Variants in NCAM2 observed in about 807,000 individuals in gnomAD.
NCAM2 encodes the protein neural cell adhesion molecule 2, also known as N-CAM-2.
In NCAM2, 30 loss-of-function variants were observed where a neutral mutation model predicts 98.1. That is an observed-to-expected ratio of 0.31 (90% confidence interval 0.23 to 0.41). The LOEUF (loss-of-function observed/expected upper bound fraction) is 0.41, where lower values mean the gene tolerates loss of function less well. Ranked by LOEUF, NCAM2 falls within the 10% of genes least tolerant of loss-of-function variation. NCAM2 has a pLI of 1.00. For synonymous variants in NCAM2, 368 were observed against 342.4 expected (o/e 1.07, Z -0.83); for missense variants, 867 against 1,005.8 (o/e 0.86, Z 1.87).
In NCAM2 at chr21:21,094,544, CTG is replaced by C. The variant is rs200019316; in HGVS notation, c.55+95928_55+95929del. Among the ~76,000 whole-genome samples, 30 of 151,700 alleles carry C rather than the reference CTG, an allele frequency of 2.0e-4. No individual in the cohort carries two copies. In the East Asian group the frequency reaches 5.0e-3, roughly 26 times the overall value. Reference sequence around the variant, plus strand: ...AACTATGATTTATCTTCTAGATAAACTGTTATTTAGAATTGCATGTGTAATTC... The same window carrying C: ...AACTATGATTTATCTTCTAGATAAACTTATTTAGAATTGCATGTGTAATTC... On this transcript the variant is annotated intron_variant, in intron 1 of 17. Transcript: ENST00000400546.
chr21:21,273,832 T>G (rs1012221037), intron 1 of NCAM2, among the ~76,000 whole-genome samples: 6 of 152,264 alleles, frequency 3.9e-5, no homozygotes, highest in Middle Eastern at 6.8e-3. Context: ...TTAAAGAGTG[T>G]GCATAGCTTG....
chr21:21,041,043 A>G (rs1270283387), intron 1 of NCAM2, among the ~76,000 whole-genome samples: 1 of 152,312 alleles, frequency 6.6e-6, no homozygotes, highest in East Asian at 1.9e-4. Context: ...GCCCATAAAT[A>G]TGGACAATTA....
At chr21:21,350,525 G>A (rs1326584998) in intron 8 of NCAM2, among the ~76,000 whole-genome samples, 1 of 152,112 alleles carries the variant, frequency 6.6e-6, no homozygotes, top group East Asian at 1.9e-4. Context: ...GGTTTCTGAT[G>A]CTAATAACCC....
intron 1 of NCAM2, among the ~76,000 whole-genome samples, chr21:21,215,865 A>G (rs369280389): frequency 6.6e-6 from 1 of 152,348 alleles, no homozygotes; most frequent in African/African-American, 2.4e-5. Flanking sequence ...AATATTGTTT[A>G]GCTCCTTTTC....
intron 1 of NCAM2, among the ~76,000 whole-genome samples, chr21:21,083,441 A>G (rs1482138916): frequency 1.3e-5 from 2 of 149,822 alleles, no homozygotes; most frequent in Non-Finnish European, 3.0e-5. Flanking sequence ...TTTTTTTGAG[A>G]CAGGGTCTCA....
intron 15 of NCAM2, among the ~76,000 whole-genome samples, chr21:21,499,561 C>A (rs1987487690): frequency 6.6e-6 from 1 of 151,460 alleles, no homozygotes; most frequent in African/African-American, 2.4e-5. Context: ...AATTTTAAAA[C>A]AAAATGTTTG....
chr21:21,321,639 C>T (rs965366653), intron 5 of NCAM2, among the ~76,000 whole-genome samples: 5 of 151,990 alleles, frequency 3.3e-5, no homozygotes, highest in Non-Finnish European at 5.9e-5. Context: ...GCATATGGCT[C>T]GCCATTTATC....
intron 17 of NCAM2, among the ~76,000 whole-genome samples, chr21:21,537,076 AATTTT>A (rs554660982): frequency 2.6e-5 from 4 of 152,062 alleles, no homozygotes; most frequent in South Asian, 4.1e-4. Flanking sequence ...TTAGTTTCTG[AATTTT>A]ATTTTATTTT....
chr21:21,323,942 A>T lies in NCAM2; in HGVS notation c.620-441A>T, dbSNP rs189316678. ...CAATGAGAAGCCAAATAGGAAATCCACTTATGCTCAAAGTAGATCTCCATA... is the reference window on the plus strand; with the variant it reads ...CAATGAGAAGCCAAATAGGAAATCCTCTTATGCTCAAAGTAGATCTCCATA... On this transcript the variant is annotated intron_variant, in intron 5 of 17. Transcript: ENST00000400546. 7.0e-4 allele frequency among the ~76,000 whole-genome samples: 106 copies of T among 152,302 alleles called. 1 individual carries two copies. Among genetic ancestry groups the T allele is most frequent in the Non-Finnish European group, 1.3e-3 (90 of 68,022 alleles).
At chr21:21,370,544 C>G (rs953184210) in intron 8 of NCAM2, among the ~76,000 whole-genome samples, 14 of 151,754 alleles carry the variant, frequency 9.2e-5, no homozygotes, top group African/African-American at 2.9e-4. Context: ...GCCCACTTTT[C>G]AATTTGAGTG....
chr21:21,276,446 T>C (rs2072731756), intron 1 of NCAM2, among the ~76,000 whole-genome samples: 1 of 152,086 alleles, frequency 6.6e-6, no homozygotes, highest in Non-Finnish European at 1.5e-5. Context: ...TACTTTTGAG[T>C]CCTTGGGTTT....
In NCAM2 at chr21:21,542,402, C is replaced by T. The variant is rs1468553512; in HGVS notation, c.*4445C>T. The T allele has an allele frequency of 2.0e-5, 3 of 151,676 alleles. No homozygotes were observed. Among genetic ancestry groups the T allele is most frequent in the African/African-American group, 4.8e-5 (2 of 41,378 alleles). The allele number at this position is 151,676 out of a possible 1,614,324, so 9.4% of individuals were successfully genotyped here. A position where few individuals can be genotyped will look rare whatever the true frequency, so the allele number is the denominator to read the frequency against. On this transcript the variant is annotated 3_prime_UTR_variant, in exon 18 of 18. Coordinates refer to ENST00000400546, the MANE Select transcript of NCAM2 (RefSeq NM_004540.5). Reference sequence around the variant, plus strand: ...ATAGTTTATTACTTTAGGATTTTATCTATAACATAAATATATTATTTGTTA... The same window carrying T: ...ATAGTTTATTACTTTAGGATTTTATTTATAACATAAATATATTATTTGTTA...
At chr21:21,446,748 A>G (rs1000549319) in intron 12 of NCAM2, among the ~76,000 whole-genome samples, 1 of 152,074 alleles carries the variant, frequency 6.6e-6, no homozygotes, top group African/African-American at 2.4e-5. Context: ...ATATTCCTTT[A>G]CACCAACAGT....
chr21:21,203,948 AT>A, intron 1 of NCAM2, among the ~76,000 whole-genome samples: 1 of 152,140 alleles, frequency 6.6e-6, no homozygotes, highest in African/African-American at 2.4e-5. Context: ...CAACCATAAG[AT>A]TTTTTCTTGT....
intron 9 of NCAM2, among the ~76,000 whole-genome samples, chr21:21,408,950 TATA>T (rs765168620): frequency 0.11 from 16,945 of 150,260 alleles, 1,258 homozygotes; most frequent in Middle Eastern, 0.21. Flanking sequence ...AATTAGTAGA[TATA>T]ACAAAACTGG....
At chr21:21,442,942 C>T (rs35278766) in intron 12 of NCAM2, among the ~76,000 whole-genome samples, 7,320 of 152,240 alleles carry the variant, frequency 0.048, 264 homozygotes, top group Non-Finnish European at 0.073. Flanking sequence ...ATCCCACCCT[C>T]GCCCCTCCTA....
intron 8 of NCAM2, among the ~76,000 whole-genome samples, chr21:21,344,312 T>C (rs7283336): frequency 0.57 from 86,087 of 151,950 alleles, 24,598 homozygotes; most frequent in Admixed American, 0.65. Context: ...AGCACAGCCA[T>C]GGGGGTAAAG....
chr21:21,386,542 A>G (rs1602182473), intron 9 of NCAM2, among the ~76,000 whole-genome samples: 2 of 152,208 alleles, frequency 1.3e-5, no homozygotes, highest in East Asian at 3.9e-4. Context: ...GAAGATAAAA[A>G]GAACAGACCA....
At chr21:21,084,134 A>G (rs533254063) in intron 1 of NCAM2, among the ~76,000 whole-genome samples, 20 of 152,254 alleles carry the variant, frequency 1.3e-4, no homozygotes, top group African/African-American at 4.8e-4. Context: ...GTGTCCTTAC[A>G]TGGCAGAGGG....
Sources: allele counts gnomAD v4.1 joint callset (sites outside exome capture counted in the v4.1 genomes callset), GRCh38; gene constraint gnomAD v4.1.1; transcripts MANE v1.5; gene names NCBI Gene and HGNC (gene_info 2026-07-23, HGNC 2026-07-21).